The following UBN2 variants were observed in gnomAD, a reference collection of about 807,000 sequenced individuals.
The protein encoded by UBN2 is ubinuclein-2.
UBN2 carries 35 observed loss-of-function variants against 120.2 expected under a neutral mutation model. The observed-to-expected ratio is 0.29, with a 90% CI of 0.22 to 0.39. UBN2 has a LOEUF of 0.39. Ranked by LOEUF, UBN2 falls within the 10% of genes least tolerant of loss-of-function variation. The probability of loss-of-function intolerance (pLI) is 1.00; values close to 1 mark genes in which losing one functional copy is unlikely to be tolerated. For missense variants in UBN2, 1,693 were observed against 1,663.2 expected (o/e 1.02, Z -0.31); for synonymous variants, 661 against 648.7 (o/e 1.02, Z -0.29).
chr7:139,244,700 A>G (rs1029442045), intron 2 of UBN2, among the ~76,000 whole-genome samples: 2 of 151,954 alleles, frequency 1.3e-5, no homozygotes, highest in Non-Finnish European at 2.9e-5. Context: ...ATAGATATAT[A>G]TTGCTATGTT....
intron 15 of UBN2, among the ~76,000 whole-genome samples, chr7:139,285,150 G>A (rs762338092): frequency 7.2e-5 from 11 of 151,788 alleles, no homozygotes; most frequent in East Asian, 5.8e-4. Flanking sequence ...CAGTTTTCCC[G>A]TTCGTGAATT....
At chr7:139,266,473 T>C in intron 7 of UBN2, 70 bp downstream of exon 7, 1 of 845,104 alleles carries the variant, frequency 1.2e-6, no homozygotes, top group Non-Finnish European at 1.9e-6. Context: ...GCCTTTGAGA[T>C]ACTGAGTGGT....
Position 139,284,546 on chromosome 7 carries a change from G to T in UBN2, c.3641G>T (p.Gly1214Val), listed in dbSNP as rs1467911695. Residue 1214 changes from glycine (G) to valine (V), a missense_variant, in exon 15 of 18, where the codon GGG (glycine) becomes GTG (valine). Transcript: ENST00000473989. ...STPHRPSTAS[G>V]SSVVTASVQS... ...CCACATAGACCATCCACTGCCTCAGGGTCTTCAGTGGTAACAGCCAGTGTG... is the reference window on the plus strand; with the variant it reads ...CCACATAGACCATCCACTGCCTCAGTGTCTTCAGTGGTAACAGCCAGTGTG... 1 of 1,612,310 alleles carries T rather than the reference G, an allele frequency of 6.2e-7. No individual in the cohort carries two copies. The highest frequency in any genetic ancestry group is 1.7e-5 in the Admixed American group (1 of 59,994).
Position 139,249,736 on chromosome 7 carries a change from C to T in UBN2, c.562-2220C>T, listed in dbSNP as rs554727604. ...GCTTTTGTTTTTTGAGATAGGGTCTCGCTCTGTCACCCAGGTTGGAGTGCA... is the reference window on the plus strand; with the variant it reads ...GCTTTTGTTTTTTGAGATAGGGTCTTGCTCTGTCACCCAGGTTGGAGTGCA... On this transcript the variant is annotated intron_variant, in intron 2 of 17. Transcript: ENST00000473989. Among the ~76,000 whole-genome samples the T allele has an allele frequency of 3.4e-4, 52 of 152,132 alleles. 1 individual carries two copies. The highest frequency in any genetic ancestry group is 1.2e-3 in the African/African-American group (49 of 41,500).
chr7:139,263,873 A>G (rs1335671448), intron 6 of UBN2, among the ~76,000 whole-genome samples: 2 of 152,180 alleles, frequency 1.3e-5, no homozygotes, highest in Non-Finnish European at 2.9e-5. Flanking sequence ...CTGGATAACT[A>G]AATCTAATTT....
intron 12 of UBN2, among the ~76,000 whole-genome samples, chr7:139,278,541 G>A (rs1797514623): frequency 6.6e-6 from 1 of 151,368 alleles, no homozygotes; most frequent in South Asian, 2.1e-4. Flanking sequence ...GTTTAACTTT[G>A]TGTTTTGTTT....
At chr7:139,266,242 A>AAG in intron 6 of UBN2, 91 bp from the exon 7 acceptor site, 1 of 843,116 alleles carries the variant, frequency 1.2e-6, no homozygotes, top group East Asian at 2.7e-5. Flanking sequence ...AAAAAAAAAA[A>AAG]AAAGAAAAAA....
At chr7:139,253,221 T>TAAA (rs1007814111) in intron 3 of UBN2, among the ~76,000 whole-genome samples, 5 of 152,148 alleles carry the variant, frequency 3.3e-5, no homozygotes, top group African/African-American at 1.2e-4. Flanking sequence ...TGCATACAAA[T>TAAA]AACGGAGCAT....
At chr7:139,281,961 G>T (rs1203706450) in intron 13 of UBN2, 44 bp from the exon 14 acceptor site, 4 of 1,576,414 alleles carry the variant, frequency 2.5e-6, no homozygotes, top group Non-Finnish European at 3.5e-6. Flanking sequence ...AAGGAAGTTA[G>T]AGTGTAACAG....
chr7:139,268,252 G>A (rs1056315016), intron 7 of UBN2, among the ~76,000 whole-genome samples: 7 of 152,072 alleles, frequency 4.6e-5, no homozygotes, highest in African/African-American at 1.4e-4. Flanking sequence ...TTCACAGAGG[G>A]TATGCCTCCA....
rs188530731 is a variant in UBN2, at chr7:139,265,193, T to C, written c.1396-1140T>C. Among the ~76,000 whole-genome samples the C allele has an allele frequency of 3.7e-4, 56 of 152,212 alleles. No homozygotes were observed. In the East Asian group the frequency reaches 0.01, roughly 27 times the overall value. On this transcript the variant is annotated intron_variant, in intron 6 of 17. Transcript: ENST00000473989. ...TTTTCATGTTCTTAGGATCACAACT[T>C]TTACAGATTTTTAAAATATTGGCCG...
rs373030596 is a variant in UBN2, at chr7:139,293,935, G to A, written c.3948G>A (p.Thr1316=). 264 of 1,614,070 alleles carry A rather than the reference G, an allele frequency of 1.6e-4. 2 individuals carry two copies. The highest frequency in any genetic ancestry group is 1.5e-3 in the South Asian group (141 of 91,068). The change falls in exon 17 of 18, where the codon ACG becomes ACA. Residue 1316 remains threonine (T), a synonymous_variant. Coordinates refer to ENST00000473989, the MANE Select transcript of UBN2 (RefSeq NM_173569.4). ...LQPGGAQHAA[T]LSHSPLPAHL... is the part of the protein sequence containing the mutation. ...CAGGAGGAGCTCAGCATGCAGCAAC[G>A]CTTTCCCACTCACCTCTGCCTGCAC...
chr7:139,254,682 G>C (rs1293297262), intron 3 of UBN2, among the ~76,000 whole-genome samples: 1 of 152,168 alleles, frequency 6.6e-6, no homozygotes, highest in Admixed American at 6.5e-5. Context: ...AGTGTTATGT[G>C]TACATTTTGA....
At chr7:139,266,981 A>G (rs188125386) in intron 7 of UBN2, among the ~76,000 whole-genome samples, 1 of 152,322 alleles carries the variant, frequency 6.6e-6, no homozygotes. Flanking sequence ...CAAATTTTAT[A>G]TTTAACTTAG....
chr7:139,231,629 G>C lies in UBN2; in HGVS notation c.145G>C (p.Ala49Pro). The change falls in exon 1 of 18, where the codon GCG becomes CCG. Residue 49 changes from alanine (A) to proline (P), a missense_variant. Around this residue, in one of 5 missense-constraint regions of UBN2, gnomAD observed 663 missense variants for 591.2 expected, o/e 1.12. Transcript: ENST00000473989. The part of the protein sequence containing the change: ...EPQPYREPAR[A>P]EPPAPREPAP... ...GCAGCCGTACCGCGAGCCGGCCCGG[G>C]CGGAGCCGCCGGCCCCGCGGGAGCC... 1 of 1,256,356 alleles carries C rather than the reference G, an allele frequency of 8.0e-7. No individual in the cohort carries two copies. Among genetic ancestry groups the C allele is most frequent in the Non-Finnish European group, 1.0e-6 (1 of 1,001,700 alleles). 77.8% of individuals were successfully genotyped at this position (1,256,356 alleles called of 1,614,324 possible).
intron 3 of UBN2, among the ~76,000 whole-genome samples, chr7:139,254,292 C>CA (rs894512339): frequency 4.5e-4 from 67 of 150,212 alleles, no homozygotes; most frequent in Admixed American, 6.0e-4. Flanking sequence ...GACTCCGTCT[C>CA]AAAAAAAACA....
intron 2 of UBN2, among the ~76,000 whole-genome samples, chr7:139,249,758 T>A (rs1387017891): frequency 1.3e-5 from 2 of 152,102 alleles, no homozygotes; most frequent in African/African-American, 4.8e-5. Context: ...CAGGTTGGAG[T>A]GCAGTGGCAT....
chr7:139,289,413 G>GTTTTTTTTTTTTTTTTTTTTT (rs1797880317), intron 15 of UBN2, among the ~76,000 whole-genome samples: 1 of 130,224 alleles, frequency 7.7e-6, no homozygotes, highest in African/African-American at 3.2e-5. Context: ...TTTACATTTT[G>GTTTTTTTTTTTTTTTTTTTTT]CTTTTTTTTT....
rs748739553 is a variant in UBN2 at position 139,266,314 on chromosome 7, ATCTT to A, written c.1396-14_1396-11del. 3 of 1,521,710 alleles carry A rather than the reference ATCTT, an allele frequency of 2.0e-6. No homozygotes were observed. Among genetic ancestry groups the A allele is most frequent in the African/African-American group, 1.4e-5 (1 of 72,034 alleles). The allele number at this position is 1,521,710 out of a possible 1,614,324, so 94.3% of individuals were successfully genotyped here. ...TAATGGCCTATTTTGATTTATTATCATCTTTCTTGTTTCTTTAGGCTGCCAAACT... is the reference window on the plus strand; with the variant it reads ...TAATGGCCTATTTTGATTTATTATCATCTTGTTTCTTTAGGCTGCCAAACT... On this transcript the variant is annotated splice_polypyrimidine_tract_variant and intron_variant, in intron 6 of 17. Coordinates refer to ENST00000473989, the MANE Select transcript of UBN2 (RefSeq NM_173569.4).
Sources: gnomAD v4.1 joint callset for allele counts (sites outside exome capture counted in the v4.1 genomes callset) on GRCh38, gnomAD v4.1.1 for gene constraint, gnomAD v4.1.1 regional missense constraint, MANE v1.5 for transcripts, NCBI Gene and HGNC (gene_info 2026-07-23, HGNC 2026-07-21) for gene names.